GABRG3: variants seen among roughly 807,000 people sequenced by gnomAD.
The protein encoded by GABRG3 is gamma-aminobutyric acid receptor subunit gamma-3.
A neutral mutation model predicts 48.8 loss-of-function variants in GABRG3; 25 were observed. The ratio of observed to expected loss-of-function variants is 0.51; its 90% CI spans 0.37 to 0.72. The LOEUF (loss-of-function observed/expected upper bound fraction) is 0.72. GABRG3 is among the 30% of genes least tolerant of loss of function. The pLI, the probability that GABRG3 is intolerant of heterozygous loss-of-function variation, is 0.00. For missense variants in GABRG3, 394 were observed against 577.9 expected (o/e 0.68, Z 3.26); for synonymous variants, 227 against 217.6 (o/e 1.04, Z -0.38).
chr15:27,300,478 A>G (rs1279476591), intron 3 of GABRG3, among the ~76,000 whole-genome samples: 1 of 143,664 alleles, frequency 7.0e-6, no homozygotes, highest in Non-Finnish European at 1.5e-5. Flanking sequence ...AGCCTGACCA[A>G]CATGGTGAAA....
intron 3 of GABRG3, among the ~76,000 whole-genome samples, chr15:27,088,892 G>C (rs1897135789): frequency 6.6e-6 from 1 of 152,128 alleles, no homozygotes; most frequent in Non-Finnish European, 1.5e-5. Flanking sequence ...GTGAGCCATG[G>C]GGGAGATGCA....
At chr15:27,505,516 T>C (rs1472058669) in intron 6 of GABRG3, among the ~76,000 whole-genome samples, 1 of 152,190 alleles carries the variant, frequency 6.6e-6, no homozygotes, top group Non-Finnish European at 1.5e-5. Flanking sequence ...TATAAATGGA[T>C]GTTTCAATTT....
At chr15:27,015,150 T>C (rs1312194611) in intron 2 of GABRG3, among the ~76,000 whole-genome samples, 3 of 152,214 alleles carry the variant, frequency 2.0e-5, no homozygotes, top group African/African-American at 7.2e-5. Flanking sequence ...TTTTAACCTA[T>C]GTATGTCCTT....
intron 5 of GABRG3, among the ~76,000 whole-genome samples, chr15:27,343,705 G>T (rs892634698): frequency 7.9e-5 from 12 of 152,166 alleles, no homozygotes; most frequent in African/African-American, 2.9e-4. Flanking sequence ...GACATGTGCT[G>T]TTACCTATTC....
At chr15:27,409,065 T>C (rs924913542) in intron 5 of GABRG3, among the ~76,000 whole-genome samples, 26 of 152,166 alleles carry the variant, frequency 1.7e-4, no homozygotes, top group African/African-American at 6.0e-4. Context: ...TAGCTTATCT[T>C]TTTATCCTAA....
chr15:27,123,084 C>A (rs1897759230), intron 3 of GABRG3, among the ~76,000 whole-genome samples: 1 of 152,178 alleles, frequency 6.6e-6, no homozygotes, highest in Non-Finnish European at 1.5e-5. Context: ...ATTACCCTCA[C>A]ATGCTGATTT....
rs558553336 is a variant in GABRG3, at chr15:27,224,478, C to G, written c.271-102331C>G. On this transcript the variant is annotated intron_variant, in intron 3 of 9. Transcript: ENST00000615808. ...CACCTGGGCCTGCCCTTTCTCCCAC[C>G]TGCACTGGCAGTGCTGGCTGATGGG... 9.8e-5 allele frequency among the ~76,000 whole-genome samples: 15 copies of G among 152,294 alleles called. No homozygotes were observed. In the East Asian group the frequency reaches 2.9e-3, roughly 29 times the overall value.
chr15:27,004,059 G>A (rs1473860756), intron 2 of GABRG3, among the ~76,000 whole-genome samples: 4 of 148,902 alleles, frequency 2.7e-5, no homozygotes, highest in East Asian at 2.1e-4. Context: ...CGGACGGGGC[G>A]GCTGACCCGG....
At chr15:27,230,516 A>AT (rs34621883) in intron 3 of GABRG3, among the ~76,000 whole-genome samples, 4 of 151,916 alleles carry the variant, frequency 2.6e-5, no homozygotes, top group South Asian at 2.1e-4. Context: ...TTAATTATAG[A>AT]TTTTTTTCCC....
intron 3 of GABRG3, among the ~76,000 whole-genome samples, chr15:27,049,909 C>A (rs543202598): frequency 6.6e-6 from 1 of 152,300 alleles, no homozygotes; most frequent in Admixed American, 6.5e-5. Context: ...ATTTGTTAAA[C>A]CCTCTTGTGG....
intron 3 of GABRG3, chr15:27,027,169 A>T (rs1895999506): frequency 5.1e-6 from 1 of 195,820 alleles, no homozygotes. Context: ...ATGGGATCAA[A>T]TATGTGCTTT....
intron 3 of GABRG3, among the ~76,000 whole-genome samples, chr15:27,289,718 G>A (rs1891735777): frequency 6.6e-6 from 1 of 152,188 alleles, no homozygotes; most frequent in South Asian, 2.1e-4. Flanking sequence ...CAGTTGGAAT[G>A]AGAGTTTACA....
At chr15:27,404,870 C>T (rs1887585462) in intron 5 of GABRG3, among the ~76,000 whole-genome samples, 1 of 152,184 alleles carries the variant, frequency 6.6e-6, no homozygotes, top group African/African-American at 2.4e-5. Context: ...ATGCGGGAGG[C>T]ATGTTCTTTG....
chr15:27,241,424 A>G (rs1336064919), intron 3 of GABRG3, among the ~76,000 whole-genome samples: 1 of 152,204 alleles, frequency 6.6e-6, no homozygotes, highest in Admixed American at 6.5e-5. Context: ...TACAGCAGCA[A>G]TGGCCTTATT....
At position 27,352,881 on chromosome 15, in the gene GABRG3, G is replaced by A. The variant is rs972530922; in HGVS notation, c.574+23993G>A. On this transcript the variant is annotated intron_variant, in intron 5 of 9. Transcript: ENST00000615808. The surrounding 1 kb of genome is among the most constrained non-coding windows in gnomAD (Gnocchi z 4.0). The stretch of plus-strand genomic sequence containing the variant: ...TAAGACTCCAGCACATGCTCACTTG[G>A]TAAGTCATTGCATCTGCATTATCTT... Among the ~76,000 whole-genome samples the A allele has an allele frequency of 6.6e-6, 1 of 152,136 alleles. No individual in the cohort carries two copies. Among genetic ancestry groups the A allele is most frequent in the African/African-American group, 2.4e-5 (1 of 41,416 alleles).
intron 3 of GABRG3, among the ~76,000 whole-genome samples, chr15:27,284,627 A>C (rs1383460491): frequency 6.6e-6 from 1 of 152,218 alleles, no homozygotes; most frequent in Non-Finnish European, 1.5e-5. Flanking sequence ...AGCTGTGGGC[A>C]CTTGGATAAG....
chr15:27,520,182 T>TA, intron 7 of GABRG3, 58 bp downstream of exon 7: 1 of 1,432,738 alleles, frequency 7.0e-7, no homozygotes, highest in Non-Finnish European at 9.6e-7. Flanking sequence ...GAAGCATTCA[T>TA]AAAAAATACC....
chr15:27,405,454 G>T (rs955543642), intron 5 of GABRG3, among the ~76,000 whole-genome samples: 2 of 152,168 alleles, frequency 1.3e-5, no homozygotes, highest in African/African-American at 4.8e-5. Flanking sequence ...AGTGTGGGGG[G>T]TCAAGGATTG....
chr15:27,379,590 C>G (rs1895703423), intron 5 of GABRG3, among the ~76,000 whole-genome samples: 1 of 152,178 alleles, frequency 6.6e-6, no homozygotes, highest in Admixed American at 6.5e-5. Context: ...CTTATTTTAA[C>G]ATTTCCTGCA....
Sources: gnomAD v4.1 joint callset for allele counts (sites outside exome capture counted in the v4.1 genomes callset) on GRCh38, gnomAD v4.1.1 for gene constraint, Gnocchi (gnomAD v3.1) non-coding constraint, MANE v1.5 for transcripts, NCBI Gene and HGNC (gene_info 2026-07-23, HGNC 2026-07-21) for gene names.